PTPRD: variants seen among roughly 807,000 people sequenced by gnomAD.
PTPRD encodes the protein protein tyrosine phosphatase receptor type D.
Under a neutral mutation model 214.5 loss-of-function variants are expected in PTPRD, and 34 were observed. The observed-to-expected ratio is 0.16, with a 90% CI of 0.12 to 0.21. PTPRD has a LOEUF of 0.21. Ranked by LOEUF, PTPRD falls within the 10% of genes least tolerant of loss-of-function variation. The probability of loss-of-function intolerance (pLI) is 1.00; values close to 1 mark genes in which losing one functional copy is unlikely to be tolerated. For synonymous variants in PTPRD, 1,128 were observed against 845.7 expected (o/e 1.33, Z -5.79); for missense variants, 2,545 against 2,398.7 (o/e 1.06, Z -1.27).
chr9:8,497,138 G>A (rs1000367232), intron 26 of PTPRD, 104 bp downstream of exon 26: 2 of 954,068 alleles, frequency 2.1e-6, no homozygotes, highest in Non-Finnish European at 1.6e-6. Context: ...GTTAGTTCAT[G>A]CATCCAAGCA....
chr9:8,776,301 C>A (rs1401443211), intron 11 of PTPRD, among the ~76,000 whole-genome samples: 1 of 152,080 alleles, frequency 6.6e-6, no homozygotes, highest in Non-Finnish European at 1.5e-5. Flanking sequence ...CAAAAGTAGG[C>A]ATTTTTGTTT....
intron 10 of PTPRD, among the ~76,000 whole-genome samples, chr9:9,143,721 T>C (rs1053882494): frequency 6.6e-6 from 1 of 152,198 alleles, no homozygotes; most frequent in Non-Finnish European, 1.5e-5. Flanking sequence ...TGGTCACACA[T>C]TTTGAATAAA....
chr9:10,244,915 C>T (rs778645262), intron 3 of PTPRD, among the ~76,000 whole-genome samples: 1 of 152,060 alleles, frequency 6.6e-6, no homozygotes, highest in Non-Finnish European at 1.5e-5. Flanking sequence ...TACTTGAGAG[C>T]TTATTACACA....
chr9:8,564,747 T>C (rs568118248), intron 14 of PTPRD, among the ~76,000 whole-genome samples: 1 of 152,138 alleles, frequency 6.6e-6, no homozygotes, highest in African/African-American at 2.4e-5. Flanking sequence ...GTTACATTGA[T>C]CTTGATTGGA....
At chr9:8,577,945 C>T (rs1191047387) in intron 14 of PTPRD, among the ~76,000 whole-genome samples, 1 of 152,138 alleles carries the variant, frequency 6.6e-6, no homozygotes, top group South Asian at 2.1e-4. Context: ...GTCCATCAGT[C>T]TCTACACATA....
At chr9:9,014,863 A>G (rs2099527822) in intron 11 of PTPRD, among the ~76,000 whole-genome samples, 1 of 152,144 alleles carries the variant, frequency 6.6e-6, no homozygotes, top group Non-Finnish European at 1.5e-5. Context: ...TTTCAACATT[A>G]TTTATTCTAA....
chr9:9,562,367 A>G (rs1380353705), intron 8 of PTPRD, among the ~76,000 whole-genome samples: 1 of 152,160 alleles, frequency 6.6e-6, no homozygotes, highest in Non-Finnish European at 1.5e-5. Context: ...TCTTATCTGC[A>G]TTACGGTAGC....
chr9:9,560,293 G>A (rs940676276), intron 8 of PTPRD, among the ~76,000 whole-genome samples: 3 of 152,166 alleles, frequency 2.0e-5, no homozygotes, highest in Non-Finnish European at 4.4e-5. Context: ...AGCTTCTCAT[G>A]CTCTATTTTC....
At chr9:8,527,548 T>G (rs963325895) in intron 15 of PTPRD, among the ~76,000 whole-genome samples, 195 bp from the exon 16 acceptor site, 2 of 152,006 alleles carry the variant, frequency 1.3e-5, no homozygotes, top group Non-Finnish European at 2.9e-5. Flanking sequence ...AAAGAGGCAG[T>G]TAACAAGACG....
At chr9:9,912,093 G>T (rs1455129584) in intron 5 of PTPRD, among the ~76,000 whole-genome samples, 2 of 151,952 alleles carry the variant, frequency 1.3e-5, no homozygotes, top group Non-Finnish European at 2.9e-5. Flanking sequence ...TTGTAAGTGG[G>T]GGAAAAATAC....
At chr9:8,713,374 T>C (rs548061200) in intron 12 of PTPRD, 2 of 1,067,624 alleles carry the variant, frequency 1.9e-6, no homozygotes, top group South Asian at 1.3e-5. Flanking sequence ...CACTCCCAAA[T>C]GCCACACACC....
At chr9:10,401,336 A>T (rs2098266555) in intron 2 of PTPRD, among the ~76,000 whole-genome samples, 1 of 151,498 alleles carries the variant, frequency 6.6e-6, no homozygotes, top group Admixed American at 6.6e-5. Context: ...ACTTGAAGTG[A>T]TCTCTAGATG....
intron 45 of PTPRD, among the ~76,000 whole-genome samples, chr9:8,319,247 T>G (rs964523269): frequency 3.3e-5 from 5 of 152,198 alleles, no homozygotes; most frequent in South Asian, 2.1e-4. Context: ...TCTTTAGAAA[T>G]GAATGCTCAA....
In PTPRD at chr9:9,840,797, A is replaced by C. The variant is rs866235627; in HGVS notation, c.-367-73946T>G. Among the ~76,000 whole-genome samples, 26 of 115,484 alleles carry C rather than the reference A, an allele frequency of 2.3e-4. No homozygotes were observed. In the South Asian group the frequency reaches 6.9e-3, roughly 31 times the overall value. The allele number at this position is 115,484 out of a possible 152,430, so 75.8% of individuals were successfully genotyped here. A position where few individuals can be genotyped will look rare whatever the true frequency, so the allele number is the denominator to read the frequency against. On this transcript the variant is annotated intron_variant, in intron 5 of 45. Coordinates refer to ENST00000381196, the MANE Select transcript of PTPRD (RefSeq NM_002839.4). Reference sequence around the variant, plus strand: ...AAAAAAAAAAAAAAAAAAAAAAAAAAAACAGAAAGGGGAAGGGAAATACAC... The same window carrying C: ...AAAAAAAAAAAAAAAAAAAAAAAAACAACAGAAAGGGGAAGGGAAATACAC...
intron 8 of PTPRD, among the ~76,000 whole-genome samples, chr9:9,492,657 A>T (rs2095969233): frequency 6.6e-6 from 1 of 152,044 alleles, no homozygotes; most frequent in Non-Finnish European, 1.5e-5. Flanking sequence ...GTATTCCAAC[A>T]TAATAAAAGT....
intron 5 of PTPRD, among the ~76,000 whole-genome samples, chr9:9,897,157 CA>C (rs2075221434): frequency 1.5e-5 from 2 of 133,946 alleles, no homozygotes; most frequent in African/African-American, 5.7e-5. Context: ...CACACACACA[CA>C]CACCGCTGCT....
chr9:9,238,177 T>C (rs1047097270), intron 9 of PTPRD, among the ~76,000 whole-genome samples: 4 of 152,030 alleles, frequency 2.6e-5, no homozygotes, highest in Admixed American at 6.6e-5. Flanking sequence ...GAGGCCTCTG[T>C]CTTCTGCATG....
At chr9:9,211,417 G>C (rs1196770065) in intron 9 of PTPRD, among the ~76,000 whole-genome samples, 1 of 151,620 alleles carries the variant, frequency 6.6e-6, no homozygotes, top group Non-Finnish European at 1.5e-5. Flanking sequence ...AAGAGTGTTG[G>C]GCATATTTTT....
At chr9:10,244,983 A>G (rs777498703) in intron 3 of PTPRD, among the ~76,000 whole-genome samples, 2 of 152,214 alleles carry the variant, frequency 1.3e-5, no homozygotes, top group Non-Finnish European at 2.9e-5. Flanking sequence ...TTTCTTAATC[A>G]TTAATAATAA....
Sources: allele counts gnomAD v4.1 joint callset (sites outside exome capture counted in the v4.1 genomes callset), GRCh38; gene constraint gnomAD v4.1.1; transcripts MANE v1.5; gene names NCBI Gene and HGNC (gene_info 2026-07-23, HGNC 2026-07-21).